TRPC4: variants seen among roughly 807,000 people sequenced by gnomAD.
The protein encoded by TRPC4 is transient receptor potential cation channel subfamily C member 4.
A neutral mutation model predicts 99.4 loss-of-function variants in TRPC4; 49 were observed. The ratio of observed to expected loss-of-function variants is 0.49; its 90% confidence interval spans 0.39 to 0.63. The LOEUF (loss-of-function observed/expected upper bound fraction) is 0.63. Ranked by LOEUF, TRPC4 falls within the 20% of genes least tolerant of loss-of-function variation. TRPC4 has a pLI of 0.00. For synonymous variants in TRPC4, 454 were observed against 425.9 expected (o/e 1.07, Z -0.81); for missense variants, 898 against 1,152.9 (o/e 0.78, Z 3.20).
chr13:37,784,721 T>G (rs1277789752), intron 1 of TRPC4, among the ~76,000 whole-genome samples: 1 of 152,062 alleles, frequency 6.6e-6, no homozygotes, highest in Non-Finnish European at 1.5e-5. Flanking sequence ...AGATTAAACA[T>G]AAATTACATT....
At chr13:37,638,497 T>C (rs1020250249) in intron 10 of TRPC4, among the ~76,000 whole-genome samples, 3 of 152,190 alleles carry the variant, frequency 2.0e-5, no homozygotes, top group Non-Finnish European at 4.4e-5. Context: ...CCTTAATCAT[T>C]CTTCCAAAAT....
intron 6 of TRPC4, among the ~76,000 whole-genome samples, chr13:37,661,352 T>C (rs2138677472): frequency 6.6e-6 from 1 of 152,334 alleles, no homozygotes; most frequent in East Asian, 1.9e-4. Context: ...AAGAAATTCC[T>C]AGGAATTTTA....
At chr13:37,824,834 T>A (rs1432073037) in intron 1 of TRPC4, among the ~76,000 whole-genome samples, 1 of 152,102 alleles carries the variant, frequency 6.6e-6, no homozygotes, top group Non-Finnish European at 1.5e-5. Flanking sequence ...TTGGAATAGT[T>A]TCAGAAGGAA....
intron 1 of TRPC4, among the ~76,000 whole-genome samples, chr13:37,785,064 G>A (rs1458912794): frequency 2.0e-5 from 3 of 152,044 alleles, no homozygotes; most frequent in Non-Finnish European, 4.4e-5. Context: ...GTATTGTGGG[G>A]ATGCTTTAAC....
intron 1 of TRPC4, among the ~76,000 whole-genome samples, chr13:37,868,385 AT>A (rs1396194337): frequency 6.6e-6 from 1 of 152,152 alleles, no homozygotes; most frequent in Non-Finnish European, 1.5e-5. Flanking sequence ...GTAACTTTAA[AT>A]AGCAAACCCA....
chr13:37,692,339 A>T lies in TRPC4; in HGVS notation c.898-4T>A, dbSNP rs761290177. 1 of 1,607,286 alleles carries T rather than the reference A, an allele frequency of 6.2e-7. No homozygotes were observed. The highest frequency in any genetic ancestry group is 1.1e-5 in the South Asian group (1 of 90,596). The stretch of plus-strand genomic sequence containing the variant: ...GACAATTGGGCTGGGCAACAAACTA[A>T]ACAGAAGGGAAAGGAAAAGGAAAAA... On this transcript the variant is annotated splice_polypyrimidine_tract_variant and splice_region_variant and intron_variant, in intron 3 of 10. Coordinates refer to ENST00000379705, the MANE Select transcript of TRPC4 (RefSeq NM_016179.4).
At chr13:37,759,078 T>C (rs1169384871) in intron 2 of TRPC4, among the ~76,000 whole-genome samples, 2 of 151,742 alleles carry the variant, frequency 1.3e-5, no homozygotes, top group East Asian at 1.9e-4. Flanking sequence ...TTCAAGAATA[T>C]AGTGAGAGAT....
intron 4 of TRPC4, 47 bp downstream of exon 4, chr13:37,691,952 G>A (rs1452710984): frequency 2.0e-6 from 3 of 1,528,232 alleles, no homozygotes; most frequent in Non-Finnish European, 1.8e-6. Flanking sequence ...ACGAAATTCC[G>A]TGGCAGTAAC....
chr13:37,849,578 G>T (rs756894155), intron 1 of TRPC4, among the ~76,000 whole-genome samples: 4 of 152,124 alleles, frequency 2.6e-5, no homozygotes, highest in Non-Finnish European at 5.9e-5. Context: ...CTAAATCCAC[G>T]CTAACTTCTG....
At chr13:37,733,997 A>T (rs145606164) in intron 3 of TRPC4, among the ~76,000 whole-genome samples, 2 of 152,108 alleles carry the variant, frequency 1.3e-5, no homozygotes, top group African/African-American at 4.8e-5. Context: ...CTGAGACCCA[A>T]CAGAGGAGCC....
chr13:37,858,812 G>A (rs770988829), intron 1 of TRPC4, among the ~76,000 whole-genome samples: 90 of 151,246 alleles, frequency 6.0e-4, no homozygotes, highest in Non-Finnish European at 1.1e-3. Context: ...GAGGGAGTGG[G>A]GACAGTTAAT....
At chr13:37,706,432 A>G (rs1220945415) in intron 3 of TRPC4, among the ~76,000 whole-genome samples, 9 of 152,116 alleles carry the variant, frequency 5.9e-5, no homozygotes, top group African/African-American at 2.2e-4. Context: ...AGGGTAGGGT[A>G]AGAAGGCTGC....
intron 1 of TRPC4, among the ~76,000 whole-genome samples, chr13:37,833,110 C>T (rs533370086): frequency 6.6e-6 from 1 of 151,892 alleles, no homozygotes; most frequent in Non-Finnish European, 1.5e-5. Context: ...TGATTTGGTG[C>T]TTTTGCTTCA....
chr13:37,710,646 A>G (rs1257206324), intron 3 of TRPC4, among the ~76,000 whole-genome samples: 1 of 151,900 alleles, frequency 6.6e-6, no homozygotes, highest in African/African-American at 2.4e-5. Flanking sequence ...ATACATTACT[A>G]AATACATACT....
chr13:37,651,508 G>A, intron 7 of TRPC4, 49 bp from the exon 8 acceptor site: 1 of 1,542,086 alleles, frequency 6.5e-7, no homozygotes, highest in Non-Finnish European at 8.9e-7. Context: ...AATTAACAAG[G>A]TACCATAAAT....
chr13:37,766,069 T>A (rs532254072), intron 2 of TRPC4, among the ~76,000 whole-genome samples: 5 of 151,430 alleles, frequency 3.3e-5, no homozygotes, highest in African/African-American at 1.2e-4. Context: ...TGAAAGTTGA[T>A]ATAATTAAGT....
chr13:37,796,143 C>T (rs1267248229), intron 1 of TRPC4, among the ~76,000 whole-genome samples: 4 of 152,134 alleles, frequency 2.6e-5, no homozygotes, highest in Admixed American at 6.6e-5. Flanking sequence ...TTGTTCTTGC[C>T]TTTATTGCTT....
intron 3 of TRPC4, among the ~76,000 whole-genome samples, chr13:37,724,685 A>C (rs1373232089): frequency 6.6e-6 from 1 of 152,216 alleles, no homozygotes; most frequent in Non-Finnish European, 1.5e-5. Flanking sequence ...TATTGTGAGT[A>C]AAAAGTGTTG....
chr13:37,650,032 C>A (rs1174228732), intron 8 of TRPC4, among the ~76,000 whole-genome samples: 1 of 152,100 alleles, frequency 6.6e-6, no homozygotes, highest in Non-Finnish European at 1.5e-5. Context: ...CATTCACTTG[C>A]CAGTCAATTT....
Sources: gnomAD v4.1 joint callset for allele counts (sites outside exome capture counted in the v4.1 genomes callset) on GRCh38, gnomAD v4.1.1 for gene constraint, MANE v1.5 for transcripts, NCBI Gene and HGNC (gene_info 2026-07-23, HGNC 2026-07-21) for gene names.